C8orf88: variants seen among roughly 807,000 people sequenced by gnomAD.
C8orf88 encodes chromosome 8 open reading frame 88.
Under a neutral mutation model 18.4 loss-of-function variants are expected in C8orf88, and 14 were observed. The ratio of observed to expected loss-of-function variants is 0.76; its 90% confidence interval spans 0.50 to 1.19. The LOEUF is 1.19. Ranked by LOEUF, C8orf88 falls within the 50% of genes most tolerant of loss-of-function variation. The pLI, the probability that C8orf88 is intolerant of heterozygous loss-of-function variation, is 0.00. For missense variants in C8orf88, 116 were observed against 134.7 expected, an observed-to-expected ratio of 0.86 and a Z score of 0.69; for synonymous variants, 45 against 42.9, an observed-to-expected ratio of 1.05 and a Z score of -0.19.
chr8:90,979,986 G>A (rs150489442), intron 2 of C8orf88, among the ~76,000 whole-genome samples: 2 of 151,938 alleles, frequency 1.3e-5, no homozygotes, highest in African/African-American at 2.4e-5. Context: ...ATTTAGTTAC[G>A]TACTTATTCT....
chr8:90,972,912 T>C (rs747472315), intron 3 of C8orf88, among the ~76,000 whole-genome samples: 73 of 152,154 alleles, frequency 4.8e-4, no homozygotes, highest in Middle Eastern at 6.9e-3. Flanking sequence ...TATTTTTCTA[T>C]AATTTTTCAA....
chr8:90,959,153 G>C, intron 5 of C8orf88, 123 bp from the exon 6 acceptor site: 2 of 484,562 alleles, frequency 4.1e-6, no homozygotes, highest in Non-Finnish European at 3.6e-6. Flanking sequence ...TGTTACCATA[G>C]AAACTATTAA....
intron 4 of C8orf88, among the ~76,000 whole-genome samples, chr8:90,966,382 T>C (rs1332604258): frequency 1.6e-4 from 23 of 144,452 alleles, no homozygotes; most frequent in East Asian, 1.3e-3. Flanking sequence ...AGGGATAGCA[T>C]TGGGAGATAT....
At chr8:90,977,397 A>G (rs752951010) in intron 3 of C8orf88, among the ~76,000 whole-genome samples, 7 of 152,210 alleles carry the variant, frequency 4.6e-5, no homozygotes, top group Non-Finnish European at 8.8e-5. Flanking sequence ...CTCTAACTTT[A>G]TGCCACAGAA....
At chr8:90,963,295 T>G (rs1200848135) in intron 4 of C8orf88, among the ~76,000 whole-genome samples, 10 of 151,600 alleles carry the variant, frequency 6.6e-5, no homozygotes, top group African/African-American at 2.4e-4. Context: ...GAAAAGTCAC[T>G]AAGCTAACAA....
chr8:90,963,237 T>C (rs182101992), intron 4 of C8orf88, among the ~76,000 whole-genome samples: 1 of 151,692 alleles, frequency 6.6e-6, no homozygotes, highest in African/African-American at 2.4e-5. Context: ...AACAGAGACT[T>C]CCATGGTCAT....
At chr8:90,985,359 G>C (rs1485974151), upstream of C8orf88, 3 of 151,802 alleles carry the variant, frequency 2.0e-5, no homozygotes, top group Non-Finnish European at 4.4e-5. Flanking sequence ...GCTGAGCCTC[G>C]AGAGCAGCCG....
chr8:90,975,966 G>A, intron 3 of C8orf88, among the ~76,000 whole-genome samples: 1 of 144,144 alleles, frequency 6.9e-6, no homozygotes, highest in Admixed American at 7.0e-5. Context: ...TATACAACAT[G>A]AAAGGATCTC....
At chr8:90,979,087 C>T (rs1053893830) in intron 2 of C8orf88, among the ~76,000 whole-genome samples, 8 of 152,112 alleles carry the variant, frequency 5.3e-5, no homozygotes, top group Non-Finnish European at 7.4e-5. Context: ...AGTATGTAAG[C>T]GTGTTAAGAA....
intron 5 of C8orf88, among the ~76,000 whole-genome samples, chr8:90,960,038 A>G (rs1351323961): frequency 1.3e-5 from 2 of 151,430 alleles, no homozygotes; most frequent in Non-Finnish European, 3.0e-5. Flanking sequence ...CAGCAATTCA[A>G]TGAGGTTAAG....
chr8:90,970,462 T>C lies in C8orf88; in HGVS notation c.223+604A>G, dbSNP rs558819198. ...CATTTTATTTTATTTTTAAAATAGCTAGTGTGGGAGAGACTATTGGTTCTC... is the reference window on the plus strand; with the variant it reads ...CATTTTATTTTATTTTTAAAATAGCCAGTGTGGGAGAGACTATTGGTTCTC... On this transcript the variant is annotated intron_variant, in intron 4 of 5. Coordinates refer to ENST00000517562, the MANE Select transcript of C8orf88 (RefSeq NM_001190972.2). Among the ~76,000 whole-genome samples, 3 of 152,160 alleles carry C rather than the reference T, an allele frequency of 2.0e-5. No individual in the cohort carries two copies. In the East Asian group the frequency reaches 5.8e-4, roughly 29 times the overall value.
Position 90,971,108 on chromosome 8 carries a change from C to T in C8orf88, c.181G>A (p.Gly61Ser), listed in dbSNP as rs1292559733. 2 of 1,520,746 alleles carry T rather than the reference C, an allele frequency of 1.3e-6. No homozygotes were observed. Among genetic ancestry groups the T allele is most frequent in the African/African-American group, 2.8e-5 (2 of 72,390 alleles). The allele number at this position is 1,520,746 out of a possible 1,614,324, so 94.2% of individuals were successfully genotyped here. ...KTNGMQAFSQ[G>S]LNEQQQQQSP... is the part of the protein sequence containing the mutation. ...TGCTGTTGCTGTTGCTCATTAAGAC[C>T]TTGAGAAAAGGCTTGCATTCCATTC... The change falls in exon 4 of 6, where the codon GGT becomes AGT. Residue 61 changes from glycine (G) to serine (S), a missense_variant. By Grantham distance (56) the Gly-to-Ser change is moderately conservative. Transcript: ENST00000517562.
chr8:90,963,494 G>C (rs1811155537), intron 4 of C8orf88, among the ~76,000 whole-genome samples: 1 of 151,684 alleles, frequency 6.6e-6, no homozygotes, highest in Admixed American at 6.6e-5. Context: ...TTTTCAGTAA[G>C]GAAGCCAAGA....
At chr8:90,965,786 T>C (rs1446353864) in intron 4 of C8orf88, among the ~76,000 whole-genome samples, 1 of 151,740 alleles carries the variant, frequency 6.6e-6, no homozygotes, top group African/African-American at 2.4e-5. Flanking sequence ...ATACAGCCAA[T>C]GCATCAAAGA....
Position 90,958,740 on chromosome 8 carries a change from T to TATAA in C8orf88, c.*263_*266dup. ...AAAAAATTGCAAGTAGTATGCAAAT[T>TATAA]ATAAATATACAGTCTTCCCACTTCA... On this transcript the variant is annotated 3_prime_UTR_variant, in exon 6 of 6. Coordinates refer to ENST00000517562, the MANE Select transcript of C8orf88 (RefSeq NM_001190972.2). The TATAA allele has an allele frequency of 3.0e-6, 1 of 337,300 alleles. No homozygotes were observed. The highest frequency in any genetic ancestry group is 5.4e-6 in the Non-Finnish European group (1 of 186,554). 20.9% of individuals were successfully genotyped at this position (337,300 alleles called of 1,614,324 possible). A position where few individuals can be genotyped will look rare whatever the true frequency, so the allele number is the denominator to read the frequency against.
chr8:90,966,010 C>T (rs1811190455), intron 4 of C8orf88, among the ~76,000 whole-genome samples: 1 of 151,296 alleles, frequency 6.6e-6, no homozygotes, highest in Non-Finnish European at 1.5e-5. Flanking sequence ...AAAAAATGAA[C>T]TAAATAATAA....
intron 5 of C8orf88, 42 bp from the exon 6 acceptor site, chr8:90,959,072 T>C (rs1811085213): frequency 2.2e-6 from 2 of 922,178 alleles, no homozygotes; most frequent in Non-Finnish European, 3.2e-6. Flanking sequence ...ATTGATTGAA[T>C]ACAGTTTTTA....
chr8:90,962,070 A>C (rs1039663718), intron 4 of C8orf88, among the ~76,000 whole-genome samples: 1 of 151,614 alleles, frequency 6.6e-6, no homozygotes, highest in Admixed American at 6.6e-5. Context: ...AACAGGTAAC[A>C]ATTATTAATG....
chr8:90,982,298 G>T (rs954435011), intron 1 of C8orf88, among the ~76,000 whole-genome samples: 2 of 152,090 alleles, frequency 1.3e-5, no homozygotes, highest in Non-Finnish European at 2.9e-5. Context: ...ATGTAGAAGA[G>T]TATATTTAAA....
Sources: allele counts gnomAD v4.1 joint callset (sites outside exome capture counted in the v4.1 genomes callset), GRCh38; gene constraint gnomAD v4.1.1; transcripts MANE v1.5; gene names NCBI Gene and HGNC (gene_info 2026-07-23, HGNC 2026-07-21).